Variants in ACADSB observed in about 807,000 individuals in gnomAD.
ACADSB encodes the protein short/branched chain specific acyl-CoA dehydrogenase, mitochondrial.
ACADSB carries 40 observed loss-of-function variants against 54.1 expected under a neutral mutation model. That is an observed-to-expected ratio of 0.74 (90% CI 0.57 to 0.96). The LOEUF (loss-of-function observed/expected upper bound fraction) is 0.96, where lower values mean the gene tolerates loss of function less well. Among genes scored for constraint, ACADSB ranks in the 40% least tolerant of loss-of-function variants. The pLI, the probability that ACADSB is intolerant of heterozygous loss-of-function variation, is 0.00. For missense variants in ACADSB, 530 were observed against 510.4 expected, an observed-to-expected ratio of 1.04 and a Z score of -0.37; for synonymous variants, 182 against 182.8, an observed-to-expected ratio of 1.00 and a Z score of 0.03.
intron 10 of ACADSB, among the ~76,000 whole-genome samples, chr10:123,053,433 T>A (rs911656522): frequency 1.3e-5 from 2 of 152,202 alleles, no homozygotes; most frequent in African/African-American, 4.8e-5. Flanking sequence ...AGCTTATGCA[T>A]CAATTGTTGA....
chr10:123,049,134 TG>T (rs1323612281), intron 8 of ACADSB, among the ~76,000 whole-genome samples: 6 of 152,234 alleles, frequency 3.9e-5, no homozygotes. Flanking sequence ...GAAGAAATTT[TG>T]ATCTTAAAAA....
chr10:123,053,498 T>C (rs1850660044), intron 10 of ACADSB, among the ~76,000 whole-genome samples, 197 bp from the exon 11 acceptor site: 1 of 152,232 alleles, frequency 6.6e-6, no homozygotes, highest in South Asian at 2.1e-4. Flanking sequence ...ATACTGATCC[T>C]GGACATCGAG....
intron 1 of ACADSB, among the ~76,000 whole-genome samples, chr10:123,021,588 T>C (rs551806372): frequency 1.1e-4 from 16 of 152,360 alleles, no homozygotes; most frequent in Admixed American, 2.0e-4. Flanking sequence ...TTTACACACC[T>C]TGCATGTCTT....
intron 7 of ACADSB, 77 bp downstream of exon 7, chr10:123,044,562 A>T: frequency 8.6e-7 from 1 of 1,162,370 alleles, no homozygotes. Context: ...AGACCAATGA[A>T]TATTTGGAAG....
intron 1 of ACADSB, among the ~76,000 whole-genome samples, chr10:123,011,873 A>G (rs1282716854): frequency 3.4e-5 from 5 of 147,504 alleles, no homozygotes; most frequent in East Asian, 2.0e-4. Context: ...TTTTTTTTAG[A>G]CAAGTTTTCA....
chr10:123,027,032 T>TAGATTATTACTTGAACTCTAATAAGTTCA (rs928775636), intron 1 of ACADSB, among the ~76,000 whole-genome samples: 11 of 152,184 alleles, frequency 7.2e-5, no homozygotes, highest in African/African-American at 1.9e-4. Flanking sequence ...GGCACGTTCA[T>TAGATTATTACTTGAACTCTAATAAGTTCA]AGATTATTAC....
At chr10:123,010,006 T>C (rs777181108) in intron 1 of ACADSB, among the ~76,000 whole-genome samples, 1 of 152,284 alleles carries the variant, frequency 6.6e-6, no homozygotes, top group Non-Finnish European at 1.5e-5. Flanking sequence ...TCTGACCCTT[T>C]TTCTTATTAG....
chr10:123,013,909 G>T (rs1850078109), intron 1 of ACADSB, among the ~76,000 whole-genome samples: 1 of 152,216 alleles, frequency 6.6e-6, no homozygotes, highest in South Asian at 2.1e-4. Context: ...GCAAGCCGAG[G>T]GAGCTGGCTC....
chr10:123,037,652 T>C, intron 2 of ACADSB, 95 bp from the exon 3 acceptor site: 4 of 814,712 alleles, frequency 4.9e-6, no homozygotes, highest in Non-Finnish European at 8.5e-6. Flanking sequence ...TACCTGTGTA[T>C]ATTTTAACTT....
At chr10:123,024,492 A>C (rs546689332) in intron 1 of ACADSB, among the ~76,000 whole-genome samples, 3 of 152,334 alleles carry the variant, frequency 2.0e-5, no homozygotes, top group African/African-American at 7.2e-5. Context: ...GTTGGAAAGG[A>C]AAAGAGAGAG....
chr10:123,017,780 T>C (rs1014149942), intron 1 of ACADSB, among the ~76,000 whole-genome samples: 2 of 152,232 alleles, frequency 1.3e-5, no homozygotes, highest in African/African-American at 4.8e-5. Flanking sequence ...AATAATTTTT[T>C]AATAACTCCC....
At chr10:123,013,651 C>T (rs1850071620) in intron 1 of ACADSB, among the ~76,000 whole-genome samples, 3 of 152,236 alleles carry the variant, frequency 2.0e-5, no homozygotes, top group South Asian at 4.1e-4. Context: ...GCCTGCCCCG[C>T]GGAGAGGCAG....
chr10:123,019,761 T>C (rs1850159131), intron 1 of ACADSB, among the ~76,000 whole-genome samples: 1 of 152,240 alleles, frequency 6.6e-6, no homozygotes, highest in Non-Finnish European at 1.5e-5. Flanking sequence ...CTATCACATA[T>C]GTTTGTGTAT....
chr10:123,041,959 T>C (rs1243601651), intron 5 of ACADSB, among the ~76,000 whole-genome samples: 2 of 131,810 alleles, frequency 1.5e-5, no homozygotes, highest in Non-Finnish European at 3.2e-5. Context: ...CTAATCTTTT[T>C]TCTTTTCTTT....
chr10:123,016,852 TA>T (rs1276510373), intron 1 of ACADSB, among the ~76,000 whole-genome samples: 1 of 151,872 alleles, frequency 6.6e-6, no homozygotes, highest in East Asian at 1.9e-4. Context: ...TTGTGTCACA[TA>T]AAAAAAACAA....
rs763893052 is a variant in ACADSB, at chr10:123,051,060, C to G, written c.1002C>G (p.His334Gln). 1.9e-6 allele frequency: 3 copies of G among 1,612,102 alleles called. No homozygotes were observed. Residue 334 changes from histidine to glutamine, a missense_variant, in exon 9 of 11, where the codon CAC (histidine) becomes CAG (glutamine). Transcript: ENST00000358776. The part of the protein sequence containing the change: ...KRLFDFQGLQ[H>Q]QVAHVATQLE... ...CCTGACTGTTACAGGGCCTCCAACA[C>G]CAAGTGGCTCACGTGGCCACCCAGC...
Position 123,037,764 on chromosome 10 carries a change from G to A in ACADSB, c.220G>A (p.Glu74Lys). The A allele has an allele frequency of 6.2e-7, 1 of 1,610,840 alleles. No individual in the cohort carries two copies. Among genetic ancestry groups the A allele is most frequent in the Non-Finnish European group, 8.5e-7 (1 of 1,177,300 alleles). The change falls in exon 3 of 11, where the codon GAA becomes AAA. Residue 74 changes from glutamate (E) to lysine (K), a missense_variant. Glu to Lys is a moderately conservative substitution (Grantham distance 56). Transcript: ENST00000358776. ...TCCTACAGTTAAAAAATTTGCTCAG[G>A]AACAAATTGCACCTTTGGTTTCAAC... ...IKSSVKKFAQEQIAPLVSTMD... is the reference protein window; with the variant it reads ...IKSSVKKFAQKQIAPLVSTMD...
At chr10:123,048,864 G>A (rs183453113) in intron 8 of ACADSB, among the ~76,000 whole-genome samples, 302 of 152,208 alleles carry the variant, frequency 2.0e-3, no homozygotes, top group African/African-American at 7.0e-3. Flanking sequence ...GAGTAGCTGG[G>A]ACTACAGGCA....
chr10:123,053,902 G>A lies in ACADSB; in HGVS notation c.*137G>A. 1 of 838,336 alleles carries A rather than the reference G, an allele frequency of 1.2e-6. No homozygotes were observed. Among genetic ancestry groups the A allele is most frequent in the Non-Finnish European group, 2.0e-6 (1 of 507,884 alleles). 51.9% of individuals were successfully genotyped at this position (838,336 alleles called of 1,614,324 possible). A position where few individuals can be genotyped will look rare whatever the true frequency, so the allele number is the denominator to read the frequency against. Reference sequence around the variant, plus strand: ...TATTTTAATGAAGCCCTTAGTCAGGGTCCTGGTGTTGGCCTTTTTGGTTTT... The same window carrying A: ...TATTTTAATGAAGCCCTTAGTCAGGATCCTGGTGTTGGCCTTTTTGGTTTT... On this transcript the variant is annotated 3_prime_UTR_variant, in exon 11 of 11. Transcript: ENST00000358776.
Sources: gnomAD v4.1 joint callset for allele counts (sites outside exome capture counted in the v4.1 genomes callset) on GRCh38, gnomAD v4.1.1 for gene constraint, MANE v1.5 for transcripts, NCBI Gene and HGNC (gene_info 2026-07-23, HGNC 2026-07-21) for gene names.